Variants in TIAM1 observed in about 807,000 individuals in gnomAD.
TIAM1 encodes rho guanine nucleotide exchange factor TIAM1.
TIAM1 carries 65 observed loss-of-function variants against 163.5 expected under a neutral mutation model. The ratio of observed to expected loss-of-function variants is 0.40; its 90% confidence interval spans 0.33 to 0.49. TIAM1 has a LOEUF of 0.49. Ranked by LOEUF, TIAM1 falls within the 20% of genes least tolerant of loss-of-function variation. The pLI is 0.77. For synonymous variants in TIAM1, 833 were observed against 810.1 expected, an observed-to-expected ratio of 1.03 and a Z score of -0.48; for missense variants, 1,789 against 2,044.7, an observed-to-expected ratio of 0.87 and a Z score of 2.41.
chr21:31,168,940 T>C (rs2084373785), intron 15 of TIAM1, among the ~76,000 whole-genome samples: 3 of 152,154 alleles, frequency 2.0e-5, no homozygotes, highest in Non-Finnish European at 4.4e-5. Context: ...CACCAAGGAA[T>C]GACACCGCAA....
At chr21:31,410,224 TA>T (rs1271532924) in intron 2 of TIAM1, among the ~76,000 whole-genome samples, 4 of 151,510 alleles carry the variant, frequency 2.6e-5, no homozygotes, top group African/African-American at 9.7e-5. Flanking sequence ...GAGACTGCAT[TA>T]TGTGATTGTG....
intron 2 of TIAM1, among the ~76,000 whole-genome samples, chr21:31,459,969 C>T (rs1037946229): frequency 2.6e-5 from 4 of 152,142 alleles, no homozygotes; most frequent in African/African-American, 9.7e-5. Context: ...TGCTTTTCCT[C>T]ATACTTATTA....
At chr21:31,313,085 T>G (rs187962379) in intron 2 of TIAM1, among the ~76,000 whole-genome samples, 1 of 152,236 alleles carries the variant, frequency 6.6e-6, no homozygotes, top group Admixed American at 6.5e-5. Flanking sequence ...TATTATTTAA[T>G]AAGATACGAC....
At position 31,266,515 on chromosome 21, in the gene TIAM1, G is replaced by A. The variant is rs745996085; in HGVS notation, c.458C>T (p.Thr153Ile). ...AEGGRRQHSY[T>I]SNGPTFMETA... ...CTCCATGAAAGTGGGCCCATTGGAT[G>A]TATAGGAATGCTGCCTCCTGCCTCC... is the stretch of plus-strand genomic sequence containing the variant. The change falls in exon 4 of 28, where the codon ACA (threonine) becomes ATA (isoleucine). Residue 153 changes from threonine to isoleucine, a missense_variant. Around this residue, in one of 5 missense-constraint regions of TIAM1, gnomAD observed 555 missense variants for 564.9 expected, o/e 0.98. Coordinates refer to ENST00000541036, the MANE Select transcript of TIAM1 (RefSeq NM_001353694.2). The A allele has an allele frequency of 3.7e-6, 6 of 1,614,072 alleles. No homozygotes were observed. The East Asian group carries it at 1.3e-4, about 36-fold the overall frequency.
chr21:31,469,061 C>T (rs1262856718), intron 1 of TIAM1, among the ~76,000 whole-genome samples: 3 of 150,194 alleles, frequency 2.0e-5, no homozygotes, highest in East Asian at 2.0e-4. Context: ...CCTCCTGCTG[C>T]CCCAGTGGAA....
At chr21:31,347,933 T>C (rs1569253299), upstream of TIAM1, among the ~76,000 whole-genome samples, 1 of 152,176 alleles carries the variant, frequency 6.6e-6, no homozygotes, top group East Asian at 1.9e-4. Flanking sequence ...AAAAAATAAA[T>C]TCATGTTGGA....
intron 2 of TIAM1, among the ~76,000 whole-genome samples, chr21:31,448,432 C>T (rs573938666): frequency 2.6e-5 from 4 of 152,002 alleles, no homozygotes; most frequent in Non-Finnish European, 5.9e-5. Flanking sequence ...TGGCAAAACC[C>T]CATCTCTATT....
chr21:31,240,800 T>C (rs893259699), intron 6 of TIAM1, among the ~76,000 whole-genome samples: 1 of 152,014 alleles, frequency 6.6e-6, no homozygotes, highest in African/African-American at 2.4e-5. Flanking sequence ...AGTTGGGGAA[T>C]ACGATTTCCA....
intron 20 of TIAM1, 62 bp downstream of exon 20, chr21:31,146,833 C>A: frequency 7.2e-7 from 1 of 1,380,622 alleles, no homozygotes; most frequent in Non-Finnish European, 1.0e-6. Flanking sequence ...AGCCCCCAAC[C>A]ACTGTCAGCC....
chr21:31,128,427 T>G (rs68194389), intron 25 of TIAM1, among the ~76,000 whole-genome samples: 30,042 of 152,152 alleles, frequency 0.2, 5,585 homozygotes, highest in African/African-American at 0.5. Flanking sequence ...TCTTCAAAAT[T>G]TGAAGTTTTT....
intron 2 of TIAM1, among the ~76,000 whole-genome samples, chr21:31,405,059 G>A (rs1377973149): frequency 2.0e-5 from 3 of 150,102 alleles, no homozygotes; most frequent in Non-Finnish European, 4.5e-5. Flanking sequence ...CTGGGCGAGA[G>A]AGTGAGACCC....
At chr21:31,519,236 C>T (rs1389176648) in intron 1 of TIAM1, among the ~76,000 whole-genome samples, 5 of 136,676 alleles carry the variant, frequency 3.7e-5, no homozygotes, top group African/African-American at 8.1e-5. Context: ...ACCTGGGAGG[C>T]GGAGGTTGCG....
intron 1 of TIAM1, among the ~76,000 whole-genome samples, chr21:31,477,311 A>G (rs1035861456): frequency 6.6e-6 from 1 of 152,188 alleles, no homozygotes; most frequent in African/African-American, 2.4e-5. Flanking sequence ...TTTTTATAAG[A>G]AAGAGTTGGG....
chr21:31,367,149 G>C (rs1328333747), intron 2 of TIAM1, among the ~76,000 whole-genome samples: 2 of 151,944 alleles, frequency 1.3e-5, no homozygotes, highest in Non-Finnish European at 2.9e-5. Context: ...AGGGAGGGAG[G>C]GAGGGAGAGA....
intron 2 of TIAM1, among the ~76,000 whole-genome samples, chr21:31,391,023 G>A (rs2076956945): frequency 6.6e-6 from 1 of 152,174 alleles, no homozygotes; most frequent in South Asian, 2.1e-4. Context: ...ATGATACCAG[G>A]GCACCCTGGA....
At chr21:31,305,013 CG>C (rs753368544) in intron 2 of TIAM1, among the ~76,000 whole-genome samples, 3 of 152,080 alleles carry the variant, frequency 2.0e-5, no homozygotes, top group Non-Finnish European at 4.4e-5. Context: ...TCTAAATTCA[CG>C]GAACTCCTGT....
intron 2 of TIAM1, among the ~76,000 whole-genome samples, chr21:31,283,918 T>C (rs572623302): frequency 2.2e-4 from 34 of 152,238 alleles, no homozygotes; most frequent in African/African-American, 7.7e-4. Context: ...GTAGTTTCCA[T>C]GGAATGCTAG....
chr21:31,136,181 G>C lies in TIAM1; in HGVS notation c.3775-140C>G, dbSNP rs145399084. On this transcript the variant is annotated intron_variant, in intron 22 of 27. Coordinates refer to ENST00000541036, the MANE Select transcript of TIAM1 (RefSeq NM_001353694.2). ...CCTAAAAACATTTGCTTAAATATGTGAGATAATGCTAAGTTAAACTGCTGG... is the reference window on the plus strand; with the variant it reads ...CCTAAAAACATTTGCTTAAATATGTCAGATAATGCTAAGTTAAACTGCTGG... 66 of 696,486 alleles carry C rather than the reference G, an allele frequency of 9.5e-5. No homozygotes were observed. The East Asian group carries it at 1.6e-3, about 17-fold the overall frequency. The allele number at this position is 696,486 out of a possible 1,614,324, so 43.1% of individuals were successfully genotyped here.
intron 2 of TIAM1, among the ~76,000 whole-genome samples, chr21:31,375,843 A>G (rs2076674613): frequency 6.6e-6 from 1 of 152,016 alleles, no homozygotes; most frequent in Non-Finnish European, 1.5e-5. Context: ...CCTGACCAAC[A>G]TGGTGAAACA....
Sources: gnomAD v4.1 joint callset for allele counts (sites outside exome capture counted in the v4.1 genomes callset) on GRCh38, gnomAD v4.1.1 for gene constraint, gnomAD v4.1.1 regional missense constraint, MANE v1.5 for transcripts, NCBI Gene and HGNC (gene_info 2026-07-23, HGNC 2026-07-21) for gene names.